Variants in PGAP3 observed in about 807,000 individuals in gnomAD.
PGAP3 encodes the protein GPI-specific phospholipase A2-like PGAP3.
A neutral mutation model predicts 40.3 loss-of-function variants in PGAP3; 31 were observed. That is an observed-to-expected ratio of 0.77 (90% CI 0.58 to 1.04). The LOEUF (loss-of-function observed/expected upper bound fraction) is 1.04, where lower values mean the gene tolerates loss of function less well. PGAP3 is among the 50% of genes least tolerant of loss of function. The probability of loss-of-function intolerance (pLI) is 0.00; values close to 1 mark genes in which losing one functional copy is unlikely to be tolerated. For synonymous variants in PGAP3, 191 were observed against 184.5 expected, an observed-to-expected ratio of 1.04 and a Z score of -0.29; for missense variants, 413 against 423.0, an observed-to-expected ratio of 0.98 and a Z score of 0.21.
intron 2 of PGAP3, among the ~76,000 whole-genome samples, chr17:39,685,170 T>C (rs1206393557): frequency 6.6e-6 from 1 of 151,910 alleles, no homozygotes; most frequent in Non-Finnish European, 1.5e-5. Flanking sequence ...CAGAATGAGA[T>C]AATACTGGAT....
chr17:39,684,391 G>C (rs1368579997), intron 3 of PGAP3, among the ~76,000 whole-genome samples: 1 of 152,110 alleles, frequency 6.6e-6, no homozygotes, highest in Non-Finnish European at 1.5e-5. Context: ...CAAACAGCCT[G>C]ACCTAGGGCT....
rs537567806 is a variant in PGAP3 at position 39,673,255 on chromosome 17, C to G, written c.695G>C (p.Gly232Ala). Residue 232 changes from glycine to alanine, a missense_variant and splice_region_variant, in exon 7 of 8, where the codon GGC becomes GCC. Gly to Ala is a moderately conservative substitution (Grantham distance 60). Coordinates refer to ENST00000300658, the MANE Select transcript of PGAP3 (RefSeq NM_033419.5). ...CAGCCACCACACCACGTTGACCAGG[C>G]CTGGGTGCCAGTGGGGGCAGGAGAG... ...GYNLVANVAI[G>A]LVNVVWWLAW... is the part of the protein sequence containing the mutation. The G allele has an allele frequency of 1.3e-6, 2 of 1,558,074 alleles. No homozygotes were observed. The highest frequency in any genetic ancestry group is 1.4e-5 in the African/African-American group (1 of 73,288).
chr17:39,687,763 G>A (rs918928177), intron 1 of PGAP3, 71 bp downstream of exon 1: 18 of 1,188,376 alleles, frequency 1.5e-5, no homozygotes, highest in Admixed American at 8.1e-5. Context: ...AGGGATTGCA[G>A]AGGCGTATTG....
intron 1 of PGAP3, among the ~76,000 whole-genome samples, chr17:39,686,301 G>A (rs1030718993): frequency 6.6e-6 from 1 of 152,116 alleles, no homozygotes; most frequent in South Asian, 2.1e-4. Flanking sequence ...TTGTTGCCCA[G>A]GCTGGAGTGC....
At chr17:39,675,743 C>T (rs2057368105) in intron 3 of PGAP3, among the ~76,000 whole-genome samples, 1 of 152,082 alleles carries the variant, frequency 6.6e-6, no homozygotes, top group Admixed American at 6.5e-5. Flanking sequence ...GTCTGGGGAG[C>T]TCAGGAGAGA....
At chr17:39,674,494 C>T (rs2057350665) in intron 4 of PGAP3, 123 bp downstream of exon 4, 5 of 1,083,950 alleles carry the variant, frequency 4.6e-6, no homozygotes, top group Middle Eastern at 3.0e-4. Context: ...TTAGGATGCC[C>T]ACCCCATACT....
chr17:39,676,575 C>T (rs1169364053), intron 3 of PGAP3: 2 of 152,200 alleles, frequency 1.3e-5, no homozygotes, highest in African/African-American at 4.8e-5. Context: ...CCCCTCCCCC[C>T]TGGGGAGCAT....
intron 3 of PGAP3, among the ~76,000 whole-genome samples, chr17:39,683,671 C>T (rs2145137381): frequency 6.6e-6 from 1 of 152,270 alleles, no homozygotes; most frequent in Admixed American, 6.5e-5. Flanking sequence ...CACACCCTTC[C>T]CAAGGCCGTC....
chr17:39,687,686 T>G (rs886489061), intron 1 of PGAP3, 148 bp downstream of exon 1: 22 of 516,856 alleles, frequency 4.3e-5, no homozygotes, highest in East Asian at 1.1e-4. Flanking sequence ...GAGAGGCTGG[T>G]AAGGCTCTCA....
At chr17:39,687,672 G>A (rs1372659931) in intron 1 of PGAP3, among the ~76,000 whole-genome samples, 162 bp downstream of exon 1, 1 of 152,182 alleles carries the variant, frequency 6.6e-6, no homozygotes, top group African/African-American at 2.4e-5. Context: ...TTCTGGGAAA[G>A]TAAGAGAGGC....
chr17:39,678,062 A>G (rs1263492083), intron 3 of PGAP3, among the ~76,000 whole-genome samples: 2 of 152,124 alleles, frequency 1.3e-5, no homozygotes, highest in Non-Finnish European at 2.9e-5. Context: ...GAGAGAAGGG[A>G]GACAGAGGTG....
At chr17:39,684,436 C>T (rs550257675) in intron 3 of PGAP3, among the ~76,000 whole-genome samples, 161 bp downstream of exon 3, 2 of 152,364 alleles carry the variant, frequency 1.3e-5, no homozygotes, top group South Asian at 2.1e-4. Flanking sequence ...CAGCACCCTC[C>T]CTGTTTTCTC....
At chr17:39,674,556 C>T in intron 4 of PGAP3, 61 bp downstream of exon 4, 1 of 1,492,554 alleles carries the variant, frequency 6.7e-7, no homozygotes, top group Non-Finnish European at 9.1e-7. Context: ...AGCCCCTCTG[C>T]CCACTTCTGG....
At chr17:39,686,231 T>C (rs879653180) in intron 1 of PGAP3, among the ~76,000 whole-genome samples, 2 of 152,202 alleles carry the variant, frequency 1.3e-5, no homozygotes, top group Non-Finnish European at 2.9e-5. Context: ...ATGCATATTT[T>C]AGTGAGCAAT....
chr17:39,683,266 A>C (rs2057465807), intron 3 of PGAP3, among the ~76,000 whole-genome samples: 1 of 151,942 alleles, frequency 6.6e-6, no homozygotes, highest in Non-Finnish European at 1.5e-5. Flanking sequence ...CCACCTGGGC[A>C]CTTTCTGAGA....
At chr17:39,683,205 ACT>A (rs2057465058) in intron 3 of PGAP3, among the ~76,000 whole-genome samples, 1 of 151,542 alleles carries the variant, frequency 6.6e-6, no homozygotes, top group African/African-American at 2.4e-5. Context: ...GCTCACACCC[ACT>A]CTCTGATTTC....
At chr17:39,684,371 C>G (rs1002883583) in intron 3 of PGAP3, among the ~76,000 whole-genome samples, 1 of 152,166 alleles carries the variant, frequency 6.6e-6, no homozygotes, top group Non-Finnish European at 1.5e-5. Flanking sequence ...CTTCTTTCCT[C>G]TCTCCTTCCC....
At chr17:39,685,491 C>CAA (rs35388872) in intron 2 of PGAP3, among the ~76,000 whole-genome samples, 59 of 136,528 alleles carry the variant, frequency 4.3e-4, no homozygotes, top group East Asian at 6.4e-4. Context: ...GACTCCATCT[C>CAA]AAAAAAAAAA....
rs778072658 is a variant in PGAP3 at position 39,673,247 on chromosome 17, T to G, written c.703A>C (p.Asn235His). 8 of 1,558,788 alleles carry G rather than the reference T, an allele frequency of 5.1e-6. No homozygotes were observed. The African/African-American group carries it at 8.2e-5, about 16-fold the overall frequency. Residue 235 changes from asparagine to histidine, a missense_variant, in exon 7 of 8, where the codon AAC becomes CAC. Physicochemically the swap from Asn to His is moderately conservative, Grantham distance 68. Transcript: ENST00000300658. ...CACCAGGCCAGCCACCACACCACGT[T>G]GACCAGGCCTGGGTGCCAGTGGGGG... Reference protein sequence around the residue: ...LVANVAIGLVNVVWWLAWCLW... With the variant: ...LVANVAIGLVHVVWWLAWCLW...
Sources: gnomAD v4.1 joint callset for allele counts (sites outside exome capture counted in the v4.1 genomes callset) on GRCh38, gnomAD v4.1.1 for gene constraint, MANE v1.5 for transcripts, NCBI Gene and HGNC (gene_info 2026-07-23, HGNC 2026-07-21) for gene names.